The following LRPPRC variants were observed in gnomAD, a reference collection of about 807,000 sequenced individuals.
LRPPRC encodes leucine rich pentatricopeptide repeat containing, also known as leucine-rich PPR motif-containing protein, mitochondrial.
In LRPPRC, 120 loss-of-function variants were observed where a neutral mutation model predicts 180.3. That is an observed-to-expected ratio of 0.67 (90% CI 0.57 to 0.77). LRPPRC has a LOEUF of 0.77. Ranked by LOEUF, LRPPRC falls within the 30% of genes least tolerant of loss-of-function variation. The pLI, the probability that LRPPRC is intolerant of heterozygous loss-of-function variation, is 0.00. For missense variants in LRPPRC, 2,012 were observed against 1,657.2 expected, an observed-to-expected ratio of 1.21 and a Z score of -3.72; for synonymous variants, 723 against 600.0, an observed-to-expected ratio of 1.21 and a Z score of -3.00.
At chr2:43,958,010 G>C (rs770460729) in intron 13 of LRPPRC, among the ~76,000 whole-genome samples, 2 of 152,124 alleles carry the variant, frequency 1.3e-5, no homozygotes, top group Non-Finnish European at 2.9e-5. Flanking sequence ...GACTTATATT[G>C]ATCTTTCACT....
intron 36 of LRPPRC, among the ~76,000 whole-genome samples, chr2:43,891,636 C>G (rs1670496390): frequency 6.6e-6 from 1 of 152,180 alleles, no homozygotes; most frequent in African/African-American, 2.4e-5. Context: ...ACTAGTAATT[C>G]TCCTGTCTTC....
chr2:43,977,517 C>T (rs1432854002), intron 3 of LRPPRC, among the ~76,000 whole-genome samples: 2 of 152,078 alleles, frequency 1.3e-5, no homozygotes, highest in Non-Finnish European at 2.9e-5. Flanking sequence ...TATTAAAAGG[C>T]CTCTTACTTA....
intron 16 of LRPPRC, among the ~76,000 whole-genome samples, chr2:43,949,239 G>T (rs1423389534): frequency 6.6e-6 from 1 of 152,046 alleles, no homozygotes; most frequent in Non-Finnish European, 1.5e-5. Context: ...CATTTAAGCG[G>T]AAATCCACAA....
chr2:43,911,672 A>G (rs1671266175), intron 30 of LRPPRC, among the ~76,000 whole-genome samples: 1 of 151,706 alleles, frequency 6.6e-6, no homozygotes, highest in South Asian at 2.1e-4. Context: ...GATTACAGGC[A>G]CATGCCACCA....
intron 22 of LRPPRC, 57 bp from the exon 23 acceptor site, chr2:43,943,951 G>A: frequency 7.9e-7 from 1 of 1,271,660 alleles, no homozygotes. Context: ...AAAACAAACT[G>A]CTATTAAAAC....
chr2:43,941,798 G>T (rs1390841035), intron 23 of LRPPRC, among the ~76,000 whole-genome samples: 1 of 123,798 alleles, frequency 8.1e-6, no homozygotes, highest in East Asian at 2.4e-4. Context: ...AGATGAAACT[G>T]AAAGACCTCA....
chr2:43,948,072 T>C, intron 18 of LRPPRC, 50 bp downstream of exon 18: 1 of 1,197,550 alleles, frequency 8.4e-7, no homozygotes, highest in Non-Finnish European at 1.2e-6. Context: ...TAACATGCTG[T>C]TATATGTAAG....
chr2:43,921,141 A>T (rs1378229422), intron 27 of LRPPRC, among the ~76,000 whole-genome samples: 1 of 152,064 alleles, frequency 6.6e-6, no homozygotes, highest in Non-Finnish European at 1.5e-5. Flanking sequence ...AAAATACAAA[A>T]ATTAGCCAGG....
intron 12 of LRPPRC, among the ~76,000 whole-genome samples, chr2:43,962,699 G>C (rs1243302531): frequency 2.0e-5 from 3 of 152,006 alleles, no homozygotes; most frequent in African/African-American, 4.8e-5. Flanking sequence ...GAAAACTTCT[G>C]GTAGAAAAAC....
At chr2:43,934,979 A>G (rs1672226223) in intron 23 of LRPPRC, 101 bp from the exon 24 acceptor site, 15 of 891,098 alleles carry the variant, frequency 1.7e-5, no homozygotes, top group Non-Finnish European at 2.6e-5. Flanking sequence ...TAATATGTAA[A>G]CAACTGAGCT....
At chr2:43,934,404 A>G in intron 24 of LRPPRC, 108 bp from the exon 25 acceptor site, 2 of 654,982 alleles carry the variant, frequency 3.1e-6, no homozygotes, top group Admixed American at 2.8e-5. Context: ...TTAAAAACAA[A>G]TATTAAGAAT....
chr2:43,903,099 G>A (rs954328450), intron 31 of LRPPRC: 2 of 152,238 alleles, frequency 1.3e-5, no homozygotes, highest in Non-Finnish European at 1.5e-5. Context: ...GAGAGCAGAA[G>A]GGTGGGGAGA....
chr2:43,961,779 G>A (rs1475528960), intron 12 of LRPPRC, among the ~76,000 whole-genome samples: 1 of 152,108 alleles, frequency 6.6e-6, no homozygotes, highest in Non-Finnish European at 1.5e-5. Context: ...TGGCCAACAT[G>A]GTGAAATCCC....
At chr2:43,975,519 T>C (rs887598819) in intron 6 of LRPPRC, among the ~76,000 whole-genome samples, 1 of 152,136 alleles carries the variant, frequency 6.6e-6, no homozygotes, top group African/African-American at 2.4e-5. Flanking sequence ...TTTAGTAAAT[T>C]ACTCTTCAAA....
chr2:43,995,825 G>T lies in LRPPRC; in HGVS notation c.123C>A (p.Pro41=). The T allele has an allele frequency of 7.0e-7, 1 of 1,418,684 alleles. No individual in the cohort carries two copies. The highest frequency in any genetic ancestry group is 9.1e-7 in the Non-Finnish European group (1 of 1,098,094). The allele number at this position is 1,418,684 out of a possible 1,614,324, so 87.9% of individuals were successfully genotyped here. ...PGRLHAASYL[P]AARAGPVAGG... is the part of the protein sequence containing the mutation. ...CGGCCACGGGCCCGGCGCGAGCGGCGGGCAGATAGGAGGCGGCATGCAGCC... is the reference window on the plus strand; with the variant it reads ...CGGCCACGGGCCCGGCGCGAGCGGCTGGCAGATAGGAGGCGGCATGCAGCC... The change falls in exon 1 of 38, where the codon CCC becomes CCA. Residue 41 remains proline, a synonymous_variant. Coordinates refer to ENST00000260665, the MANE Select transcript of LRPPRC (RefSeq NM_133259.4).
intron 30 of LRPPRC, among the ~76,000 whole-genome samples, 181 bp from the exon 31 acceptor site, chr2:43,905,961 T>A (rs977315542): frequency 2.6e-5 from 4 of 152,236 alleles, no homozygotes; most frequent in African/African-American, 9.6e-5. Context: ...GGATAATTTT[T>A]TTTTGCATTC....
intron 1 of LRPPRC, among the ~76,000 whole-genome samples, chr2:43,983,391 A>C (rs6716499): frequency 0.21 from 31,201 of 152,036 alleles, 3,985 homozygotes; most frequent in African/African-American, 0.35. Context: ...ATCGTGCATT[A>C]AGTAGAGTTC....
Position 43,901,510 on chromosome 2 carries a change from G to A in LRPPRC, c.3379C>T (p.Leu1127=), listed in dbSNP as rs766954224. Reference sequence around the variant, plus strand: ...TGCTGCTGATCCAATACTGTTTTCAGTGTTGTCACAGCCTCTAAAATACAA... The same window carrying A: ...TGCTGCTGATCCAATACTGTTTTCAATGTTGTCACAGCCTCTAAAATACAA... ...RDYLKEAVTT[L]KTVLDQQQTP... is the part of the protein sequence containing the mutation. The change falls in exon 32 of 38, where the codon CTG becomes TTG. Residue 1127 remains leucine (L), a synonymous_variant. Coordinates refer to ENST00000260665, the MANE Select transcript of LRPPRC (RefSeq NM_133259.4). 6.2e-7 allele frequency: 1 copy of A among 1,612,452 alleles called. No homozygotes were observed. The highest frequency in any genetic ancestry group is 8.5e-7 in the Non-Finnish European group (1 of 1,178,482).
intron 31 of LRPPRC, among the ~76,000 whole-genome samples, chr2:43,904,163 A>T (rs1333209727): frequency 6.6e-6 from 1 of 152,044 alleles, no homozygotes; most frequent in African/African-American, 2.4e-5. Context: ...GCTGGTCTTG[A>T]ACTCCTGGAC....
Sources: allele counts gnomAD v4.1 joint callset (sites outside exome capture counted in the v4.1 genomes callset), GRCh38; gene constraint gnomAD v4.1.1; transcripts MANE v1.5; gene names NCBI Gene and HGNC (gene_info 2026-07-23, HGNC 2026-07-21).